The following SAMD12 variants were observed in gnomAD, a reference collection of about 807,000 sequenced individuals.
SAMD12 encodes the protein sterile alpha motif domain containing 12.
Under a neutral mutation model 15.0 loss-of-function variants are expected in SAMD12, and 9 were observed. The ratio of observed to expected loss-of-function variants is 0.60; its 90% confidence interval spans 0.36 to 1.05. The LOEUF is 1.05. SAMD12 is among the 50% of genes least tolerant of loss of function. The probability of loss-of-function intolerance (pLI) is 0.01; values close to 1 mark genes in which losing one functional copy is unlikely to be tolerated. For synonymous variants in SAMD12, 86 were observed against 90.1 expected (o/e 0.96, Z 0.25); for missense variants, 230 against 234.2 (o/e 0.98, Z 0.12).
At chr8:118,154,173 T>C in the SAMD12 span, among the ~76,000 whole-genome samples, 3 of 144,530 alleles carry the variant, frequency 2.1e-5, no homozygotes, top group Non-Finnish European at 4.6e-5. Flanking sequence ...TACACACACA[T>C]ACAATAAAGA....
At chr8:118,550,528 G>A (rs936154529) in intron 2 of SAMD12, among the ~76,000 whole-genome samples, 2 of 152,022 alleles carry the variant, frequency 1.3e-5, no homozygotes, top group African/African-American at 4.8e-5. Context: ...CCTGAAGGAA[G>A]CACTAAACAT....
intron 2 of SAMD12, among the ~76,000 whole-genome samples, chr8:118,545,139 A>G (rs1454666124): frequency 3.3e-5 from 5 of 152,188 alleles, no homozygotes. Context: ...ATGTATACAC[A>G]TGCATGTATA....
chr8:118,325,476 G>A (rs752520163), intron 4 of SAMD12, among the ~76,000 whole-genome samples: 1 of 152,102 alleles, frequency 6.6e-6, no homozygotes, highest in African/African-American at 2.4e-5. Context: ...TATATTTAAG[G>A]TATAAAATGT....
chr8:118,224,498 A>C (rs1460207060), intron 4 of SAMD12, among the ~76,000 whole-genome samples: 1 of 152,202 alleles, frequency 6.6e-6, no homozygotes, highest in Admixed American at 6.5e-5. Flanking sequence ...TGGTTTGTTT[A>C]AGGATGGGGC....
intron 4 of SAMD12, among the ~76,000 whole-genome samples, chr8:118,330,134 C>G (rs1816747189): frequency 6.6e-6 from 1 of 152,156 alleles, no homozygotes; most frequent in African/African-American, 2.4e-5. Flanking sequence ...TGGAACTAGA[C>G]AGGATATCAT....
intron 1 of SAMD12, among the ~76,000 whole-genome samples, chr8:118,594,477 A>G (rs1827668901): frequency 6.6e-6 from 1 of 152,234 alleles, no homozygotes; most frequent in African/African-American, 2.4e-5. Context: ...AGGTTTGAGT[A>G]CTTCTATGCA....
chr8:118,436,549 T>A (rs1822579410), intron 3 of SAMD12, among the ~76,000 whole-genome samples: 1 of 152,194 alleles, frequency 6.6e-6, no homozygotes, highest in African/African-American at 2.4e-5. Context: ...AACACTGATA[T>A]AACATGCTTC....
At chr8:118,316,053 AT>A (rs2130421817) in intron 4 of SAMD12, among the ~76,000 whole-genome samples, 1 of 152,292 alleles carries the variant, frequency 6.6e-6, no homozygotes, top group African/African-American at 2.4e-5. Flanking sequence ...GCGTAATGGC[AT>A]TAAAAACAAG....
At chr8:118,321,149 ATATATATAT>A (rs1563761511) in intron 4 of SAMD12, among the ~76,000 whole-genome samples, 745 of 12,546 alleles carry the variant, frequency 0.059, 35 homozygotes, top group East Asian at 0.25. Flanking sequence ...TAATAAATAT[ATATATATAT>A]ATATATATAT....
intron 4 of SAMD12, among the ~76,000 whole-genome samples, chr8:118,203,281 A>C (rs1586338568): frequency 6.6e-6 from 1 of 152,304 alleles, no homozygotes; most frequent in South Asian, 2.1e-4. Flanking sequence ...TTATTTTAAC[A>C]GTCTAAGATC....
intron 2 of SAMD12, among the ~76,000 whole-genome samples, chr8:118,454,662 A>T (rs958928473): frequency 1.3e-5 from 2 of 152,216 alleles, no homozygotes; most frequent in African/African-American, 4.8e-5. Flanking sequence ...TACCATCTTC[A>T]TAATTTTTAA....
chr8:118,503,377 T>C (rs1423554568), intron 2 of SAMD12, among the ~76,000 whole-genome samples: 1 of 152,204 alleles, frequency 6.6e-6, no homozygotes, highest in East Asian at 1.9e-4. Flanking sequence ...GGGCAGGTCC[T>C]TTAATGGAAA....
chr8:118,493,660 T>G (rs1824515017), intron 2 of SAMD12, among the ~76,000 whole-genome samples: 1 of 152,152 alleles, frequency 6.6e-6, no homozygotes, highest in African/African-American at 2.4e-5. Context: ...TTCTGGTTCA[T>G]CTCTTACATA....
intron 3 of SAMD12, among the ~76,000 whole-genome samples, chr8:118,415,830 CAGCT>C (rs1821660191): frequency 6.6e-6 from 1 of 152,190 alleles, no homozygotes; most frequent in Non-Finnish European, 1.5e-5. Context: ...GCAGAAGTGG[CAGCT>C]CACAGGTTGG....
chr8:118,400,240 C>T (rs1239584942), intron 3 of SAMD12: 1 of 152,194 alleles, frequency 6.6e-6, no homozygotes, highest in East Asian at 1.9e-4. Context: ...ATCAGATTCT[C>T]ATAGGTAGGC....
At chr8:118,599,128 A>G (rs1357488721) in intron 1 of SAMD12, among the ~76,000 whole-genome samples, 3 of 152,174 alleles carry the variant, frequency 2.0e-5, no homozygotes, top group Non-Finnish European at 4.4e-5. Flanking sequence ...ACAGAGCTTC[A>G]ACCACCTGGC....
chr8:118,535,751 T>G (rs993928248), intron 2 of SAMD12, among the ~76,000 whole-genome samples: 1 of 152,210 alleles, frequency 6.6e-6, no homozygotes, highest in Non-Finnish European at 1.5e-5. Flanking sequence ...CTGAGCCAGG[T>G]GCAGGATATC....
chr8:118,531,777 T>C (rs1825691996), intron 2 of SAMD12, among the ~76,000 whole-genome samples: 2 of 152,226 alleles, frequency 1.3e-5, no homozygotes, highest in Admixed American at 1.3e-4. Flanking sequence ...ACACTGACTT[T>C]GTATCCTGAG....
chr8:118,419,630 T>C (rs1358538809), intron 3 of SAMD12, among the ~76,000 whole-genome samples: 1 of 152,232 alleles, frequency 6.6e-6, no homozygotes, highest in Non-Finnish European at 1.5e-5. Context: ...GCTATTCTTT[T>C]ACTTGAACTT....
Sources: allele counts gnomAD v4.1 joint callset (sites outside exome capture counted in the v4.1 genomes callset), GRCh38; gene constraint gnomAD v4.1.1; transcripts MANE v1.5; gene names NCBI Gene and HGNC (gene_info 2026-07-23, HGNC 2026-07-21).